Variants in SLCO2A1 observed in about 807,000 individuals in gnomAD.
SLCO2A1 encodes solute carrier organic anion transporter family member 2A1, also known as matrin F/G 1.
SLCO2A1 carries 60 observed loss-of-function variants against 71.7 expected under a neutral mutation model. That is an observed-to-expected ratio of 0.84 (90% CI 0.68 to 1.04). SLCO2A1 has a LOEUF of 1.04. Among genes scored for constraint, SLCO2A1 ranks in the 50% least tolerant of loss-of-function variants. SLCO2A1 has a pLI of 0.00. For missense variants in SLCO2A1, 745 were observed against 813.4 expected, an observed-to-expected ratio of 0.92 and a Z score of 1.02; for synonymous variants, 308 against 326.7, an observed-to-expected ratio of 0.94 and a Z score of 0.62.
intron 3 of SLCO2A1, among the ~76,000 whole-genome samples, chr3:133,970,786 C>T (rs543853305): frequency 2.0e-5 from 3 of 152,354 alleles, no homozygotes; most frequent in East Asian, 3.9e-4. Context: ...ACAAGAACTA[C>T]AAAACAGCCC....
chr3:133,987,903 C>A lies in SLCO2A1; in HGVS notation c.97-8285G>T, dbSNP rs139449228. On this transcript the variant is annotated intron_variant, in intron 1 of 13. Coordinates refer to ENST00000310926, the MANE Select transcript of SLCO2A1 (RefSeq NM_005630.3). The stretch of plus-strand genomic sequence containing the variant: ...AATGGCAGCTATCTGCTTTCCCAAA[C>A]AGGACTCTGACAGGGCAATCTGAAT... Among the ~76,000 whole-genome samples, 61 of 152,338 alleles carry A rather than the reference C, an allele frequency of 4.0e-4. No homozygotes were observed. The East Asian group carries it at 0.01, about 26-fold the overall frequency.
intron 3 of SLCO2A1, among the ~76,000 whole-genome samples, chr3:133,966,158 A>C (rs1934159063): frequency 6.6e-6 from 1 of 152,156 alleles, no homozygotes; most frequent in African/African-American, 2.4e-5. Flanking sequence ...TGTATCTATC[A>C]ATAAGTTTTA....
intron 1 of SLCO2A1, among the ~76,000 whole-genome samples, chr3:133,997,327 T>G (rs1016324718): frequency 1.3e-5 from 2 of 152,190 alleles, no homozygotes; most frequent in African/African-American, 4.8e-5. Context: ...AAATCATGCC[T>G]CTCATAAAGA....
chr3:134,008,177 T>C (rs1007985312), intron 1 of SLCO2A1, among the ~76,000 whole-genome samples: 3 of 152,208 alleles, frequency 2.0e-5, no homozygotes, highest in African/African-American at 7.2e-5. Flanking sequence ...CCCAGATGCA[T>C]TAAATATAAT....
At chr3:133,986,163 C>T (rs1049645175) in intron 1 of SLCO2A1, among the ~76,000 whole-genome samples, 3 of 152,106 alleles carry the variant, frequency 2.0e-5, no homozygotes, top group African/African-American at 7.2e-5. Flanking sequence ...ATAAAGTTGG[C>T]TAAAGAAGAA....
chr3:133,981,656 T>C (rs1934594461), intron 1 of SLCO2A1, among the ~76,000 whole-genome samples: 1 of 152,006 alleles, frequency 6.6e-6, no homozygotes, highest in Non-Finnish European at 1.5e-5. Context: ...ACCATCCTTG[T>C]AAAGGGTAAG....
Position 133,961,537 on chromosome 3 carries a change from G to A in SLCO2A1, c.398-6344C>T, listed in dbSNP as rs138664682. 2.7e-3 allele frequency among the ~76,000 whole-genome samples: 404 copies of A among 152,154 alleles called. 2 individuals are homozygous for A. The highest frequency in any genetic ancestry group is 9.0e-3 in the African/African-American group (375 of 41,480). Reference sequence around the variant, plus strand: ...TGAATGACTTATTAAGTCTTCATACGGCATGTTGCCTGCTGCACCACGGCC... The same window carrying A: ...TGAATGACTTATTAAGTCTTCATACAGCATGTTGCCTGCTGCACCACGGCC... On this transcript the variant is annotated intron_variant, in intron 3 of 13. Coordinates refer to ENST00000310926, the MANE Select transcript of SLCO2A1 (RefSeq NM_005630.3).
intron 1 of SLCO2A1, among the ~76,000 whole-genome samples, chr3:133,991,846 T>G (rs557034311): frequency 2.0e-5 from 3 of 152,346 alleles, no homozygotes; most frequent in African/African-American, 7.2e-5. Flanking sequence ...CCCACAAAGT[T>G]GACCTTACTG....
intron 1 of SLCO2A1, among the ~76,000 whole-genome samples, chr3:134,029,259 TGTCCCCCAAAGCGCGGGGG>T (rs1156786800): frequency 7.2e-5 from 11 of 152,264 alleles, no homozygotes; most frequent in South Asian, 6.2e-4. Flanking sequence ...AGACACAGTC[TGTCCCCCAAAGCGCGGGGG>T]GTCCCCCTGG....
chr3:133,946,904 CAGGAGTTTATG>C (rs1044223346), intron 9 of SLCO2A1, among the ~76,000 whole-genome samples: 7 of 151,700 alleles, frequency 4.6e-5, no homozygotes, highest in African/African-American at 1.5e-4. Flanking sequence ...CACTTGAGGT[CAGGAGTTTATG>C]ACCAGCCTGG....
Position 133,939,701 on chromosome 3 carries a change from C to G in SLCO2A1, c.1626-1208G>C, listed in dbSNP as rs189655040. ...CAGTGGTCCAGTTCATAATAGATAC[C>G]TGCCTTGTCTTGGCCCTTGCCCTGG... On this transcript the variant is annotated intron_variant, in intron 11 of 13. Transcript: ENST00000310926. 1.6e-4 allele frequency among the ~76,000 whole-genome samples: 24 copies of G among 152,324 alleles called. No homozygotes were observed. The East Asian group carries it at 4.2e-3, about 27-fold the overall frequency.
intron 1 of SLCO2A1, among the ~76,000 whole-genome samples, chr3:134,020,872 G>C (rs1027405221): frequency 2.6e-5 from 4 of 151,702 alleles, no homozygotes; most frequent in African/African-American, 9.7e-5. Context: ...CTCCATTTGA[G>C]TGGAAGCTTG....
intron 11 of SLCO2A1, among the ~76,000 whole-genome samples, chr3:133,940,817 C>T (rs948859939): frequency 5.9e-5 from 9 of 152,180 alleles, no homozygotes; most frequent in Non-Finnish European, 7.4e-5. Flanking sequence ...ATGCAAGGTC[C>T]TGACTACTGT....
At chr3:133,943,788 T>A (rs1454885403) in intron 10 of SLCO2A1, among the ~76,000 whole-genome samples, 1 of 152,218 alleles carries the variant, frequency 6.6e-6, no homozygotes, top group African/African-American at 2.4e-5. Flanking sequence ...TCCAAGTTCC[T>A]TGTCCTTCCT....
intron 6 of SLCO2A1, among the ~76,000 whole-genome samples, chr3:133,950,399 T>A (rs1314107102): frequency 6.6e-6 from 1 of 152,226 alleles, no homozygotes; most frequent in Non-Finnish European, 1.5e-5. Context: ...AGCTCACTGC[T>A]GAGTCCTTCT....
In SLCO2A1 at chr3:133,947,455, G is replaced by A; in HGVS notation, c.1106-10C>T. Reference sequence around the variant, plus strand: ...GGGAGGTTCACAGCACCTATAAGTGGAAAGAAGGAGGTGATCCAGGTGCAC... The same window carrying A: ...GGGAGGTTCACAGCACCTATAAGTGAAAAGAAGGAGGTGATCCAGGTGCAC... On this transcript the variant is annotated splice_polypyrimidine_tract_variant and intron_variant, in intron 8 of 13. Coordinates refer to ENST00000310926, the MANE Select transcript of SLCO2A1 (RefSeq NM_005630.3). The A allele has an allele frequency of 6.2e-7, 1 of 1,607,268 alleles. No individual in the cohort carries two copies. Among genetic ancestry groups the A allele is most frequent in the South Asian group, 1.1e-5 (1 of 89,968 alleles).
chr3:133,947,205 C>A, intron 9 of SLCO2A1, 51 bp downstream of exon 9: 2 of 1,490,164 alleles, frequency 1.3e-6, no homozygotes, highest in South Asian at 1.2e-5. Context: ...ACAGCCAGAT[C>A]TAAGCCCTGG....
intron 3 of SLCO2A1, among the ~76,000 whole-genome samples, chr3:133,955,644 C>G (rs1290252058): frequency 6.6e-6 from 1 of 152,138 alleles, no homozygotes; most frequent in Non-Finnish European, 1.5e-5. Flanking sequence ...TCTGGGCCCC[C>G]AGGGTTCTCT....
chr3:133,942,013 A>T (rs1364500273), intron 11 of SLCO2A1, among the ~76,000 whole-genome samples: 1 of 152,034 alleles, frequency 6.6e-6, no homozygotes, highest in Non-Finnish European at 1.5e-5. Context: ...ATTATTTTTG[A>T]GACGGAGTCT....
Sources: allele counts gnomAD v4.1 joint callset (sites outside exome capture counted in the v4.1 genomes callset), GRCh38; gene constraint gnomAD v4.1.1; transcripts MANE v1.5; gene names NCBI Gene and HGNC (gene_info 2026-07-23, HGNC 2026-07-21).